The following SFI1 variants were observed in gnomAD, a reference collection of about 807,000 sequenced individuals.
SFI1 encodes protein SFI1 homolog.
A neutral mutation model predicts 207.5 loss-of-function variants in SFI1; 195 were observed. The observed-to-expected ratio is 0.94, with a 90% CI of 0.84 to 1.06. The LOEUF is 1.06. SFI1 is among the 50% of genes least tolerant of loss of function. The probability of loss-of-function intolerance (pLI) is 0.00; values close to 1 mark genes in which losing one functional copy is unlikely to be tolerated. For synonymous variants in SFI1, 630 were observed against 598.9 expected (o/e 1.05, Z -0.76); for missense variants, 1,634 against 1,588.0 (o/e 1.03, Z -0.49).
intron 2 of SFI1, among the ~76,000 whole-genome samples, chr22:31,515,544 CTGTGTG>C (rs34222417): frequency 1.4e-5 from 2 of 146,348 alleles, no homozygotes; most frequent in African/African-American, 2.5e-5. Context: ...GTGCCTGGCT[CTGTGTG>C]TGTGTGTGTG....
chr22:31,520,183 A>AT lies in SFI1; in HGVS notation c.93-8507_93-8506insT, dbSNP rs1231141417. Among the ~76,000 whole-genome samples the AT allele has an allele frequency of 3.9e-5, 6 of 152,072 alleles. No homozygotes were observed. The East Asian group carries it at 1.2e-3, about 29-fold the overall frequency. ...GTAATCACCACCTGTTTAAAAAAAA[A>AT]AAAAAAAAGATAAGACCTTGGCAGT... On this transcript the variant is annotated intron_variant, in intron 2 of 32. Coordinates refer to ENST00000400288, the MANE Select transcript of SFI1 (RefSeq NM_001007467.3).
intron 29 of SFI1, 64 bp from the exon 30 acceptor site, chr22:31,616,681 G>GT: frequency 6.7e-7 from 1 of 1,494,618 alleles, no homozygotes; most frequent in East Asian, 2.3e-5. Flanking sequence ...CAAGGACTTG[G>GT]TGTCCCCCTC....
intron 8 of SFI1, among the ~76,000 whole-genome samples, chr22:31,564,447 A>G (rs993182215): frequency 6.6e-6 from 1 of 151,770 alleles, no homozygotes; most frequent in African/African-American, 2.4e-5. Context: ...CCAAGTACTC[A>G]ACACCCTCAC....
At chr22:31,547,424 C>T (rs2147918011) in intron 5 of SFI1, among the ~76,000 whole-genome samples, 1 of 152,232 alleles carries the variant, frequency 6.6e-6, no homozygotes, top group East Asian at 1.9e-4. Flanking sequence ...GATTCTACTG[C>T]CTCAGTCTCC....
At chr22:31,540,189 G>GT in intron 4 of SFI1, among the ~76,000 whole-genome samples, 1 of 142,756 alleles carries the variant, frequency 7.0e-6, no homozygotes, top group Non-Finnish European at 1.5e-5. Flanking sequence ...CTGGCACGGG[G>GT]TGGGGGGGTG....
At position 31,528,789 on chromosome 22, in the gene SFI1, T is replaced by A. The variant is rs1302398322; in HGVS notation, c.192T>A (p.Ser64Arg). The change falls in exon 3 of 33, where the codon AGT (serine) becomes AGA (arginine). Residue 64 changes from serine (S) to arginine (R), a missense_variant. Ser to Arg is a moderately radical substitution (Grantham distance 110, BLOSUM62 -1). Transcript: ENST00000400288. ...ASFGIRRELP[S>R]TSHLVQYRGT... ...TTGGGATCCGGAGGGAGTTACCTAG[T>A]ACCAGTCATCTAGTGCAGTATCGTG... The A allele has an allele frequency of 1.2e-6, 2 of 1,614,034 alleles. No individual in the cohort carries two copies. Among genetic ancestry groups the A allele is most frequent in the African/African-American group, 2.7e-5 (2 of 74,928 alleles).
At chr22:31,564,173 A>T (rs187309391) in intron 8 of SFI1, among the ~76,000 whole-genome samples, 6,911 of 151,296 alleles carry the variant, frequency 0.046, 140 homozygotes, top group African/African-American at 0.054. Context: ...TAAAAATACA[A>T]AAAATTAGCC....
chr22:31,602,613 C>T lies in SFI1; in HGVS notation c.1633C>T (p.Leu545Phe). 6.2e-7 allele frequency: 1 copy of T among 1,614,168 alleles called. No individual in the cohort carries two copies. The highest frequency in any genetic ancestry group is 1.1e-5 in the South Asian group (1 of 91,086). The change falls in exon 17 of 33, where the codon CTT (leucine) becomes TTT (phenylalanine). Residue 545 changes from leucine to phenylalanine, a missense_variant. By Grantham distance (22) the Leu-to-Phe change is conservative (BLOSUM62 0). Transcript: ENST00000400288. ...ENRLAERMAI[L>F]HAERQLLYRS... Reference sequence around the variant, plus strand: ...CCTTCCTGTCCTGCCTCAGGCCATCCTTCACGCAGAGCGACAGCTTCTGTA... The same window carrying T: ...CCTTCCTGTCCTGCCTCAGGCCATCTTTCACGCAGAGCGACAGCTTCTGTA...
chr22:31,589,678 AG>A, intron 15 of SFI1, 101 bp downstream of exon 15: 1 of 1,314,856 alleles, frequency 7.6e-7, no homozygotes, highest in East Asian at 2.5e-5. Context: ...CCCAGACCCC[AG>A]GCCCTAGTAC....
At chr22:31,574,638 A>G (rs1235847169) in intron 9 of SFI1, among the ~76,000 whole-genome samples, 2 of 152,194 alleles carry the variant, frequency 1.3e-5, no homozygotes, top group Non-Finnish European at 2.9e-5. Context: ...TCTAACTAGA[A>G]GCCTCAGCCC....
chr22:31,589,389 A>G, intron 14 of SFI1, 58 bp from the exon 15 acceptor site: 7 of 1,337,390 alleles, frequency 5.2e-6, no homozygotes, highest in East Asian at 2.5e-5. Context: ...TGACCCTGAG[A>G]GGTCATGTTT....
At chr22:31,568,005 G>C (rs2062502704) in intron 8 of SFI1, among the ~76,000 whole-genome samples, 1 of 152,070 alleles carries the variant, frequency 6.6e-6, no homozygotes, top group Non-Finnish European at 1.5e-5. Context: ...TACATTGAAA[G>C]TATTATAGTT....
At chr22:31,509,885 G>A (rs545390370) in intron 2 of SFI1, among the ~76,000 whole-genome samples, 2 of 152,038 alleles carry the variant, frequency 1.3e-5, no homozygotes, top group South Asian at 2.1e-4. Flanking sequence ...TCTATTTTCT[G>A]GAAGAGTTTA....
intron 4 of SFI1, among the ~76,000 whole-genome samples, chr22:31,537,044 TTC>T (rs1602317092): frequency 7.7e-6 from 1 of 129,990 alleles, no homozygotes; most frequent in South Asian, 3.6e-4. Context: ...GGGGATTTAC[TTC>T]TTTTTTTTTA....
chr22:31,567,242 C>A (rs1200453500), intron 8 of SFI1, among the ~76,000 whole-genome samples: 1 of 152,152 alleles, frequency 6.6e-6, no homozygotes, highest in Admixed American at 6.6e-5. Flanking sequence ...TACTGACTGA[C>A]AGCTTATTAG....
chr22:31,507,086 T>C (rs5753664), intron 1 of SFI1, among the ~76,000 whole-genome samples: 33,090 of 152,134 alleles, frequency 0.22, 4,606 homozygotes, highest in East Asian at 0.44. Flanking sequence ...GCAGGCATCA[T>C]GCTACCCAAC....
chr22:31,514,009 C>T (rs976368086), intron 2 of SFI1, among the ~76,000 whole-genome samples: 1 of 151,838 alleles, frequency 6.6e-6, no homozygotes, highest in Non-Finnish European at 1.5e-5. Flanking sequence ...TGGCATGCTA[C>T]TATAATTCCA....
At chr22:31,607,690 T>A in intron 21 of SFI1, 1 of 270,588 alleles carries the variant, frequency 3.7e-6, no homozygotes. Context: ...CTTTATGGCA[T>A]GGTATGATAT....
chr22:31,500,439 A>G (rs1458056271), intron 1 of SFI1, among the ~76,000 whole-genome samples: 1 of 152,166 alleles, frequency 6.6e-6, no homozygotes. Flanking sequence ...AGCATTTTTT[A>G]GCAATAAGGT....
Sources: allele counts gnomAD v4.1 joint callset (sites outside exome capture counted in the v4.1 genomes callset), GRCh38; gene constraint gnomAD v4.1.1; transcripts MANE v1.5; gene names NCBI Gene and HGNC (gene_info 2026-07-23, HGNC 2026-07-21).